The following SYT17 variants were observed in gnomAD, a reference collection of about 807,000 sequenced individuals.
SYT17 encodes the protein synaptotagmin 17.
SYT17 carries 22 observed loss-of-function variants against 46.7 expected under a neutral mutation model. The ratio of observed to expected loss-of-function variants is 0.47; its 90% CI spans 0.34 to 0.67. The LOEUF is 0.67. SYT17 is among the 30% of genes least tolerant of loss of function. The pLI is 0.01. For missense variants in SYT17, 519 were observed against 612.8 expected (o/e 0.85, Z 1.62); for synonymous variants, 251 against 248.4 (o/e 1.01, Z -0.10).
chr16:19,224,813 G>T lies in SYT17; in HGVS notation c.1203G>T (p.Leu401=). The T allele has an allele frequency of 1.2e-6, 2 of 1,614,048 alleles. No individual in the cohort carries two copies. The highest frequency in any genetic ancestry group is 8.5e-7 in the Non-Finnish European group (1 of 1,179,916). ...SFSFKVPQEE[L]ENASLVFTVF... is the part of the protein sequence containing the mutation. ...GCTTCAAAGTTCCCCAAGAAGAACT[G>T]GAAAATGCCAGCCTAGTGTTTACAG... Residue 401 remains leucine, a synonymous_variant, in exon 7 of 8, where the codon CTG becomes CTT. Coordinates refer to ENST00000355377, the MANE Select transcript of SYT17 (RefSeq NM_016524.4).
chr16:19,241,936 G>A (rs962150330), intron 7 of SYT17, among the ~76,000 whole-genome samples: 2 of 152,200 alleles, frequency 1.3e-5, no homozygotes, highest in South Asian at 2.1e-4. Flanking sequence ...GGCAGTGGCT[G>A]CTCCGGATGG....
intron 5 of SYT17, among the ~76,000 whole-genome samples, chr16:19,198,966 T>G (rs1965357729): frequency 6.6e-6 from 1 of 152,214 alleles, no homozygotes; most frequent in African/African-American, 2.4e-5. Flanking sequence ...GATGAGGCTA[T>G]GAGCTCTGAG....
At chr16:19,242,416 G>A (rs1967199802) in intron 7 of SYT17, among the ~76,000 whole-genome samples, 1 of 152,198 alleles carries the variant, frequency 6.6e-6, no homozygotes, top group South Asian at 2.1e-4. Flanking sequence ...AAGAAGAGAA[G>A]GAAAGCCAGA....
At chr16:19,222,334 C>A (rs1014525564) in intron 5 of SYT17, among the ~76,000 whole-genome samples, 1 of 151,744 alleles carries the variant, frequency 6.6e-6, no homozygotes, top group African/African-American at 2.4e-5. Flanking sequence ...TGGGAGGCCT[C>A]CTGTTTTCTA....
intron 5 of SYT17, among the ~76,000 whole-genome samples, chr16:19,197,337 A>G (rs1207318944): frequency 1.3e-5 from 2 of 152,166 alleles, no homozygotes; most frequent in East Asian, 1.9e-4. Context: ...GATTCATTTT[A>G]GATATCAACA....
At chr16:19,168,191 G>T (rs1963938984), upstream of SYT17, 1 of 184,956 alleles carries the variant, frequency 5.4e-6, no homozygotes, top group African/African-American at 2.4e-5. The surrounding 1 kb of genome is among the most constrained non-coding windows in gnomAD (Gnocchi z 6.9). Flanking sequence ...CCTGTGTACC[G>T]CCCCCTCCCA....
At chr16:19,172,862 G>A in intron 2 of SYT17, 85 bp downstream of exon 2, 1 of 1,510,924 alleles carries the variant, frequency 6.6e-7, no homozygotes, top group Non-Finnish European at 9.2e-7. Flanking sequence ...TGGGGCTGTG[G>A]GGATATTGAA....
At chr16:19,226,021 T>C (rs1397740925) in intron 7 of SYT17, among the ~76,000 whole-genome samples, 1 of 152,208 alleles carries the variant, frequency 6.6e-6, no homozygotes, top group Non-Finnish European at 1.5e-5. Context: ...ACAACAGGGA[T>C]AGAGTTAGTA....
Position 19,260,503 on chromosome 16 carries a change from CAAAAAAAAAAA to C in SYT17, c.1229-6362_1229-6352del, listed in dbSNP as rs58392770. ...TGGGTAACAGAGAGAGACCTTGTCT[CAAAAAAAAAAA>C]AAAAAAAAAAAAAAGGAAAGAAAAA... On this transcript the variant is annotated intron_variant, in intron 7 of 7. Transcript: ENST00000355377. 1.8e-3 allele frequency among the ~76,000 whole-genome samples: 140 copies of C among 76,204 alleles called. 2 individuals are homozygous for C. The highest frequency in any genetic ancestry group is 0.012 in the East Asian group (40 of 3,352). 50.0% of individuals were successfully genotyped at this position (76,204 alleles called of 152,430 possible). A position where few individuals can be genotyped will look rare whatever the true frequency, so the allele number is the denominator to read the frequency against.
At chr16:19,204,873 T>C (rs1965604944) in intron 5 of SYT17, among the ~76,000 whole-genome samples, 1 of 152,092 alleles carries the variant, frequency 6.6e-6, no homozygotes, top group Non-Finnish European at 1.5e-5. Flanking sequence ...CTGTTGATTT[T>C]GCCCCAAATT....
intron 5 of SYT17, among the ~76,000 whole-genome samples, chr16:19,209,900 A>AAAC (rs1013925535): frequency 2.0e-3 from 43 of 21,668 alleles, no homozygotes; most frequent in Middle Eastern, 0.059. Context: ...AACAAAACAA[A>AAAC]AACAACAACA....
intron 7 of SYT17, among the ~76,000 whole-genome samples, chr16:19,228,802 A>G (rs1277698026): frequency 6.6e-6 from 1 of 152,204 alleles, no homozygotes; most frequent in Non-Finnish European, 1.5e-5. Context: ...ACTGAGAGAA[A>G]GAGCTGTCAC....
chr16:19,222,933 T>G, intron 5 of SYT17, 112 bp from the exon 6 acceptor site: 1 of 1,423,486 alleles, frequency 7.0e-7, no homozygotes, highest in African/African-American at 1.4e-5. Context: ...CACTGTCAAC[T>G]GATGCGCTCA....
intron 7 of SYT17, among the ~76,000 whole-genome samples, chr16:19,250,840 A>G (rs531658706): frequency 1.3e-5 from 2 of 152,288 alleles, no homozygotes; most frequent in South Asian, 4.1e-4. Flanking sequence ...TAAGAACCAG[A>G]AACATTCTCA....
rs899901150 is a variant in SYT17, at chr16:19,183,562, C to T, written c.366C>T (p.Ile122=). Residue 122 remains isoleucine (I), a synonymous_variant, in exon 5 of 8, where the codon ATC becomes ATT. Transcript: ENST00000355377. This position sits in a 1 kb window ranked among gnomAD's most constrained non-coding sequence, Gnocchi z 5.6. ...LESRRPSSPL[I]DIKPIEFGVL... ...CAAGACGTCCCAGCTCTCCACTCAT[C>T]GATATTAAACCCATCGAGTTTGGCG... 5 of 1,614,070 alleles carry T rather than the reference C, an allele frequency of 3.1e-6. No homozygotes were observed. Among genetic ancestry groups the T allele is most frequent in the Non-Finnish European group, 3.4e-6 (4 of 1,180,046 alleles).
chr16:19,232,926 T>C (rs909109652), intron 7 of SYT17, among the ~76,000 whole-genome samples: 1 of 152,134 alleles, frequency 6.6e-6, no homozygotes, highest in South Asian at 2.1e-4. Context: ...TGTCTGTACG[T>C]TAGTATTACT....
At chr16:19,198,360 CA>C (rs1279658873) in intron 5 of SYT17, among the ~76,000 whole-genome samples, 5 of 152,182 alleles carry the variant, frequency 3.3e-5, no homozygotes, top group Non-Finnish European at 5.9e-5. Flanking sequence ...GGTGCCATAT[CA>C]TGGTCAAAAG....
chr16:19,210,619 AAAG>A (rs945233325), intron 5 of SYT17, among the ~76,000 whole-genome samples: 58 of 152,254 alleles, frequency 3.8e-4, no homozygotes, highest in African/African-American at 9.6e-4. Flanking sequence ...TGAAGAGAAG[AAAG>A]AAGAAGAAAG....
At chr16:19,217,819 A>G (rs561753336) in intron 5 of SYT17, among the ~76,000 whole-genome samples, 3 of 152,170 alleles carry the variant, frequency 2.0e-5, no homozygotes, top group African/African-American at 7.2e-5. Context: ...ATCCTGGCCA[A>G]CACTGCTTAT....
Sources: allele counts gnomAD v4.1 joint callset (sites outside exome capture counted in the v4.1 genomes callset), GRCh38; gene constraint gnomAD v4.1.1; non-coding constraint Gnocchi (gnomAD v3.1); transcripts MANE v1.5; gene names NCBI Gene and HGNC (gene_info 2026-07-23, HGNC 2026-07-21).